Variants in SRFBP1 observed in about 807,000 individuals in gnomAD.
The protein encoded by SRFBP1 is serum response factor-binding protein 1.
In SRFBP1, 47 loss-of-function variants were observed where a neutral mutation model predicts 45.5. That is an observed-to-expected ratio of 1.03 (90% CI 0.82 to 1.32). The LOEUF is 1.32. Ranked by LOEUF, SRFBP1 falls within the 40% of genes most tolerant of loss-of-function variation. The pLI, the probability that SRFBP1 is intolerant of heterozygous loss-of-function variation, is 0.00. For synonymous variants in SRFBP1, 203 were observed against 166.3 expected, an observed-to-expected ratio of 1.22 and a Z score of -1.70; for missense variants, 621 against 484.6, an observed-to-expected ratio of 1.28 and a Z score of -2.64.
chr5:121,997,851 C>T lies in SRFBP1; in HGVS notation c.270+3181C>T, dbSNP rs922188198. ...ACAAACAACCCCATCAAAAAGTGGG[C>T]GAAGGACATGAACAGACACTTCTCA... On this transcript the variant is annotated intron_variant, in intron 4 of 7. Transcript: ENST00000339397. Among the ~76,000 whole-genome samples the T allele has an allele frequency of 8.0e-5, 12 of 150,544 alleles. No individual in the cohort carries two copies. The East Asian group carries it at 1.2e-3, about 15-fold the overall frequency.
intron 2 of SRFBP1, among the ~76,000 whole-genome samples, chr5:122,073,036 A>C (rs1300800960): frequency 1.3e-5 from 2 of 152,184 alleles, no homozygotes; most frequent in Non-Finnish European, 2.9e-5. Flanking sequence ...TTCCCCCTCC[A>C]ATTGCTATGA....
At chr5:122,075,359 A>G (rs771443685) in exon 3 of SRFBP1, 7 of 1,527,018 alleles carry the variant, frequency 4.6e-6, no homozygotes, top group Non-Finnish European at 6.2e-6. Context: ...ATCACCTGAG[A>G]AATGAAAAGC....
intron 3 of SRFBP1, among the ~76,000 whole-genome samples, chr5:121,976,214 A>G (rs1190663410): frequency 1.3e-5 from 2 of 152,072 alleles, no homozygotes; most frequent in Non-Finnish European, 2.9e-5. Flanking sequence ...TTAATAGGAC[A>G]AAGTTATCCC....
At chr5:122,077,360 TG>T (rs756849358), downstream of SRFBP1, 3 of 1,613,804 alleles carry the variant, frequency 1.9e-6, no homozygotes, top group Non-Finnish European at 1.7e-6. This position sits in a 1 kb window ranked among gnomAD's most constrained non-coding sequence, Gnocchi z 4.9. Context: ...CTTACCGTAC[TG>T]GAAGTAGCCA....
At position 122,001,395 on chromosome 5, in the gene SRFBP1, AT is replaced by A. The variant is rs546908481; in HGVS notation, c.270+6733del. ...CATGGCCCTTTTATTTTTATTTTTT[AT>A]TTTTTTTATTTTTATTTTTTATTTT... On this transcript the variant is annotated intron_variant, in intron 4 of 7. Coordinates refer to ENST00000339397, the MANE Select transcript of SRFBP1 (RefSeq NM_152546.3). Among the ~76,000 whole-genome samples the A allele has an allele frequency of 1.6e-3, 230 of 145,912 alleles. 1 individual carries two copies. The highest frequency in any genetic ancestry group is 5.4e-3 in the African/African-American group (218 of 40,026).
chr5:121,999,830 T>A (rs1471549787), intron 4 of SRFBP1, among the ~76,000 whole-genome samples: 10 of 152,126 alleles, frequency 6.6e-5, no homozygotes, highest in Admixed American at 5.9e-4. Flanking sequence ...TATGTCTGTG[T>A]ACTTAAGGTG....
At chr5:122,034,119 C>G (rs191260654) in intron 2 of SRFBP1, among the ~76,000 whole-genome samples, 1 of 152,158 alleles carries the variant, frequency 6.6e-6, no homozygotes, top group African/African-American at 2.4e-5. Flanking sequence ...CCACTGCGCC[C>G]GGCCTATTTT....
chr5:122,014,917 C>G (rs1181470568), intron 4 of SRFBP1, among the ~76,000 whole-genome samples: 1 of 152,136 alleles, frequency 6.6e-6, no homozygotes, highest in African/African-American at 2.4e-5. Flanking sequence ...TTGGAAACAG[C>G]AGTAGATGTG....
At chr5:122,018,968 T>C (rs1753241074) in intron 4 of SRFBP1, among the ~76,000 whole-genome samples, 1 of 152,212 alleles carries the variant, frequency 6.6e-6, no homozygotes, top group South Asian at 2.1e-4. Context: ...CTTTTTTTGA[T>C]GTTACACATG....
intron 4 of SRFBP1, among the ~76,000 whole-genome samples, chr5:122,010,084 A>C (rs1330035992): frequency 1.3e-5 from 2 of 152,184 alleles, no homozygotes; most frequent in Non-Finnish European, 2.9e-5. Flanking sequence ...GTTGTGTCAC[A>C]TCACTACTGA....
At chr5:122,049,374 A>T (rs1753926120) in intron 2 of SRFBP1, among the ~76,000 whole-genome samples, 1 of 152,178 alleles carries the variant, frequency 6.6e-6, no homozygotes, top group Non-Finnish European at 1.5e-5. Context: ...AGATTCATAA[A>T]GCAAGTCCTT....
chr5:122,031,129 C>G (rs904123553), downstream of SRFBP1, among the ~76,000 whole-genome samples: 1 of 152,076 alleles, frequency 6.6e-6, no homozygotes, highest in Non-Finnish European at 1.5e-5. Flanking sequence ...TGATTCCAGG[C>G]ATTTAAGGAA....
chr5:121,997,269 A>G (rs1169422892), intron 4 of SRFBP1, among the ~76,000 whole-genome samples: 1 of 148,646 alleles, frequency 6.7e-6, no homozygotes, highest in Non-Finnish European at 1.5e-5. Flanking sequence ...AAACTATACT[A>G]CAAGGCTACA....
chr5:122,059,104 T>G (rs1050765361), intron 2 of SRFBP1, among the ~76,000 whole-genome samples: 11 of 152,056 alleles, frequency 7.2e-5, no homozygotes, highest in Non-Finnish European at 1.6e-4. Context: ...AAGAAGAGTA[T>G]GTCGTTTTTT....
intron 2 of SRFBP1, among the ~76,000 whole-genome samples, chr5:122,043,417 T>A (rs1753801819): frequency 1.3e-5 from 2 of 152,128 alleles, no homozygotes; most frequent in South Asian, 4.1e-4. Flanking sequence ...GGTTTCACTC[T>A]GTTGGCCAGG....
Position 122,020,667 on chromosome 5 carries a change from A to G in SRFBP1, c.932A>G (p.Glu311Gly), listed in dbSNP as rs1753296434. Residue 311 changes from glutamate to glycine, a missense_variant, in exon 6 of 8, where the codon GAA becomes GGA. Transcript: ENST00000339397. ...HSSVKEQKPL[E>G]KVFLKEDTGE... ...TCAGTTAAGGAACAAAAACCACTAG[A>G]AAAAGTGTTTCTTAAAGAAGATACA... The G allele has an allele frequency of 3.1e-6, 5 of 1,614,036 alleles. No homozygotes were observed. The highest frequency in any genetic ancestry group is 2.7e-5 in the African/African-American group (2 of 75,042).
chr5:121,998,704 A>AT lies in SRFBP1; in HGVS notation c.270+4040dup, dbSNP rs1752789815. ...AAGATGCTTTATTACTTTTCCAAAT[A>AT]TTTTTTATGAATATCTCATTTAATC... On this transcript the variant is annotated intron_variant, in intron 4 of 7. Transcript: ENST00000339397. Among the ~76,000 whole-genome samples, 4 of 151,932 alleles carry AT rather than the reference A, an allele frequency of 2.6e-5. No individual in the cohort carries two copies. The South Asian group carries it at 6.2e-4, about 24-fold the overall frequency.
At chr5:121,995,484 A>G (rs1166482228) in intron 4 of SRFBP1, among the ~76,000 whole-genome samples, 1 of 152,188 alleles carries the variant, frequency 6.6e-6, no homozygotes, top group Non-Finnish European at 1.5e-5. Flanking sequence ...AAGACACAAC[A>G]TACCAGAATC....
chr5:121,981,969 T>G (rs1752417458), intron 3 of SRFBP1, among the ~76,000 whole-genome samples: 1 of 151,988 alleles, frequency 6.6e-6, no homozygotes, highest in Non-Finnish European at 1.5e-5. Flanking sequence ...ACTGCAATTT[T>G]TTTTTTTTAC....
Sources: gnomAD v4.1 joint callset for allele counts (sites outside exome capture counted in the v4.1 genomes callset) on GRCh38, gnomAD v4.1.1 for gene constraint, Gnocchi (gnomAD v3.1) non-coding constraint, MANE v1.5 for transcripts, NCBI Gene and HGNC (gene_info 2026-07-23, HGNC 2026-07-21) for gene names.